The following SNTB1 variants were observed in gnomAD, a reference collection of about 807,000 sequenced individuals.
SNTB1 encodes the protein syntrophin beta 1.
In SNTB1, 36 loss-of-function variants were observed where a neutral mutation model predicts 48.9. That is an observed-to-expected ratio of 0.74 (90% CI 0.56 to 0.97). The LOEUF (loss-of-function observed/expected upper bound fraction) is 0.97. SNTB1 is among the 50% of genes least tolerant of loss of function. SNTB1 has a pLI of 0.00. For missense variants in SNTB1, 786 were observed against 703.4 expected (o/e 1.12, Z -1.33); for synonymous variants, 299 against 294.6 (o/e 1.01, Z -0.15).
chr8:120,688,228 T>C (rs956032481), intron 2 of SNTB1, among the ~76,000 whole-genome samples: 4 of 152,234 alleles, frequency 2.6e-5, no homozygotes, highest in African/African-American at 7.2e-5. Context: ...CCTCATAAAC[T>C]ACCCATTGTA....
At chr8:120,688,014 G>C (rs11995748) in intron 2 of SNTB1, among the ~76,000 whole-genome samples, 32,144 of 152,134 alleles carry the variant, frequency 0.21, 4,126 homozygotes, top group African/African-American at 0.33. Context: ...CTTAACAGAT[G>C]GCACCTCTCT....
chr8:120,706,277 C>A (rs532093618), intron 1 of SNTB1, among the ~76,000 whole-genome samples: 1 of 152,070 alleles, frequency 6.6e-6, no homozygotes, highest in Non-Finnish European at 1.5e-5. Context: ...TCATTTCTTG[C>A]GCATAAATTA....
intron 1 of SNTB1, among the ~76,000 whole-genome samples, chr8:120,774,091 G>T (rs546856951): frequency 1.3e-5 from 2 of 152,242 alleles, no homozygotes. Context: ...CTCCAAAGCC[G>T]ATGTTCCTTC....
chr8:120,780,363 T>G (rs35803869), intron 1 of SNTB1, among the ~76,000 whole-genome samples: 11,177 of 152,294 alleles, frequency 0.073, 656 homozygotes, highest in African/African-American at 0.16. Context: ...TTAACATCAG[T>G]GTTTTCTGAC....
At chr8:120,796,840 T>C (rs1192017067) in intron 1 of SNTB1, among the ~76,000 whole-genome samples, 1 of 152,090 alleles carries the variant, frequency 6.6e-6, no homozygotes, top group Non-Finnish European at 1.5e-5. Flanking sequence ...AGCTGTCATA[T>C]AGTATTATGT....
chr8:120,780,976 T>C (rs1475640396), intron 1 of SNTB1, among the ~76,000 whole-genome samples: 1 of 152,166 alleles, frequency 6.6e-6, no homozygotes, highest in Non-Finnish European at 1.5e-5. Flanking sequence ...TGACCTTGAG[T>C]AATTAAGCCA....
intron 1 of SNTB1, chr8:120,761,395 G>A (rs1172023249): frequency 6.6e-6 from 1 of 152,176 alleles, no homozygotes; most frequent in Non-Finnish European, 1.5e-5. Flanking sequence ...TGACCCACAA[G>A]CCATAGTTAA....
intron 3 of SNTB1, among the ~76,000 whole-genome samples, chr8:120,618,368 T>C (rs574568462): frequency 6.6e-6 from 1 of 152,328 alleles, no homozygotes; most frequent in Admixed American, 6.5e-5. Context: ...TACATTCATA[T>C]TGCCCATTCT....
intron 3 of SNTB1, among the ~76,000 whole-genome samples, chr8:120,614,976 TA>T (rs61318757): frequency 0.11 from 8,309 of 73,008 alleles, 674 homozygotes; most frequent in East Asian, 0.45. Context: ...TCACCTCTAC[TA>T]AAAAAAAAAA....
intron 1 of SNTB1, among the ~76,000 whole-genome samples, chr8:120,726,191 T>G (rs1818752914): frequency 6.6e-6 from 1 of 152,214 alleles, no homozygotes; most frequent in Non-Finnish European, 1.5e-5. Flanking sequence ...TTTATTCAGT[T>G]TTGAAAAATC....
intron 1 of SNTB1, among the ~76,000 whole-genome samples, chr8:120,750,361 C>T (rs956865225): frequency 3.3e-5 from 5 of 152,110 alleles, no homozygotes; most frequent in African/African-American, 1.2e-4. Flanking sequence ...TGCTGAGCTC[C>T]TAACTGCCCC....
Position 120,538,756 on chromosome 8 carries a change from G to C in SNTB1, c.*121C>G. Reference sequence around the variant, plus strand: ...TGGGACAGTTACATACGACTCTTGAGAGCTAAAGCTGACTGTAGCACGCTA... The same window carrying C: ...TGGGACAGTTACATACGACTCTTGACAGCTAAAGCTGACTGTAGCACGCTA... On this transcript the variant is annotated 3_prime_UTR_variant, in exon 7 of 7. Transcript: ENST00000517992. 1.2e-6 allele frequency: 1 copy of C among 836,296 alleles called. No individual in the cohort carries two copies. The allele number at this position is 836,296 out of a possible 1,614,324, so 51.8% of individuals were successfully genotyped here. A position where few individuals can be genotyped will look rare whatever the true frequency, so the allele number is the denominator to read the frequency against.
intron 1 of SNTB1, among the ~76,000 whole-genome samples, chr8:120,791,214 A>G (rs1820026873): frequency 6.6e-6 from 1 of 151,854 alleles, no homozygotes; most frequent in Admixed American, 6.6e-5. Context: ...GAAAGGAGGC[A>G]ATAAATGTTG....
intron 1 of SNTB1, among the ~76,000 whole-genome samples, chr8:120,726,233 C>T (rs544468866): frequency 6.6e-6 from 1 of 152,276 alleles, no homozygotes; most frequent in Admixed American, 6.5e-5. Flanking sequence ...CTGAAGAAAT[C>T]CTTAGATACC....
chr8:120,811,238 C>T, intron 1 of SNTB1, 35 bp downstream of exon 1: 1 of 1,548,050 alleles, frequency 6.5e-7, no homozygotes, highest in Non-Finnish European at 8.7e-7. Context: ...GGTGTGTGCG[C>T]GCCCGGCGCG....
At chr8:120,783,704 A>G (rs1819868571) in intron 1 of SNTB1, among the ~76,000 whole-genome samples, 1 of 152,214 alleles carries the variant, frequency 6.6e-6, no homozygotes, top group Admixed American at 6.5e-5. Context: ...AACAATCAGT[A>G]AACTCTTTGT....
chr8:120,797,879 C>T (rs375536850), intron 1 of SNTB1, among the ~76,000 whole-genome samples: 1 of 152,064 alleles, frequency 6.6e-6, no homozygotes, highest in Non-Finnish European at 1.5e-5. Context: ...CACAAGGTCA[C>T]AAAGCTGGTT....
At chr8:120,550,542 TAAAAAA>T (rs11445916) in intron 4 of SNTB1, among the ~76,000 whole-genome samples, 2 of 126,674 alleles carry the variant, frequency 1.6e-5, no homozygotes, top group East Asian at 2.3e-4. Context: ...ACTCTGTCTT[TAAAAAA>T]AAAAAAAAAA....
At chr8:120,688,449 A>G (rs1234412303) in intron 2 of SNTB1, among the ~76,000 whole-genome samples, 1 of 152,222 alleles carries the variant, frequency 6.6e-6, no homozygotes, top group African/African-American at 2.4e-5. Context: ...GAACGAAAAT[A>G]GTTTTGAATG....
Sources: allele counts gnomAD v4.1 joint callset (sites outside exome capture counted in the v4.1 genomes callset), GRCh38; gene constraint gnomAD v4.1.1; transcripts MANE v1.5; gene names NCBI Gene and HGNC (gene_info 2026-07-23, HGNC 2026-07-21).